DPYD: variants seen among roughly 807,000 people sequenced by gnomAD.
DPYD encodes dihydropyrimidine dehydrogenase.
In DPYD, 109 loss-of-function variants were observed where a neutral mutation model predicts 116.2. The observed-to-expected ratio is 0.94, with a 90% CI of 0.80 to 1.10. The LOEUF (loss-of-function observed/expected upper bound fraction) is 1.10, where lower values mean the gene tolerates loss of function less well. Ranked by LOEUF, DPYD falls within the 50% of genes least tolerant of loss-of-function variation. The pLI is 0.00. For missense variants in DPYD, 1,302 were observed against 1,254.5 expected (o/e 1.04, Z -0.57); for synonymous variants, 440 against 432.0 (o/e 1.02, Z -0.23).
chr1:97,641,538 A>C (rs1250122481), intron 8 of DPYD, among the ~76,000 whole-genome samples: 8 of 152,222 alleles, frequency 5.3e-5, no homozygotes, highest in Admixed American at 5.2e-4. Flanking sequence ...GGCTTTCGAT[A>C]AAATTCAACA....
intron 18 of DPYD, among the ~76,000 whole-genome samples, chr1:97,282,216 A>T (rs1665372092): frequency 6.6e-6 from 1 of 152,150 alleles, no homozygotes; most frequent in African/African-American, 2.4e-5. Flanking sequence ...GTGAGAAGTC[A>T]TAGACCTTGA....
At chr1:97,777,233 C>A (rs1050319450) in intron 3 of DPYD, among the ~76,000 whole-genome samples, 3 of 152,036 alleles carry the variant, frequency 2.0e-5, no homozygotes, top group Admixed American at 2.0e-4. Flanking sequence ...TAATATACTC[C>A]AGGCTTTTAA....
At chr1:97,492,789 A>G (rs1286805838) in intron 13 of DPYD, among the ~76,000 whole-genome samples, 1 of 152,196 alleles carries the variant, frequency 6.6e-6, no homozygotes, top group Admixed American at 6.5e-5. Context: ...TTTGAAATAT[A>G]CAGGCTTTTG....
At chr1:97,404,635 T>C (rs915264924) in intron 14 of DPYD, among the ~76,000 whole-genome samples, 4 of 152,140 alleles carry the variant, frequency 2.6e-5, no homozygotes, top group African/African-American at 7.2e-5. Flanking sequence ...AGTGTTAGCA[T>C]GATACATTTT....
intron 13 of DPYD, among the ~76,000 whole-genome samples, chr1:97,466,543 A>C (rs2101838220): frequency 6.6e-6 from 1 of 152,336 alleles, no homozygotes; most frequent in South Asian, 2.1e-4. Context: ...TCCAAATGAT[A>C]GCTGATATTT....
intron 3 of DPYD, among the ~76,000 whole-genome samples, chr1:97,747,068 T>G (rs1664599479): frequency 6.6e-6 from 1 of 151,966 alleles, no homozygotes; most frequent in African/African-American, 2.4e-5. Context: ...TGTTAGAAAT[T>G]TATTTATGGA....
chr1:97,203,751 A>C (rs1188958956), intron 19 of DPYD, among the ~76,000 whole-genome samples: 1 of 127,592 alleles, frequency 7.8e-6, no homozygotes, highest in Non-Finnish European at 1.6e-5. Flanking sequence ...AGATGGATGA[A>C]AGTTATGTGG....
Position 97,658,895 on chromosome 1 carries a change from T to C in DPYD, c.850+20200A>G, listed in dbSNP as rs192129663. Reference sequence around the variant, plus strand: ...ATCCAGAAACACTAGAGGTTTATAATGCTAGTTCACTGAACACCTGGCTCT... The same window carrying C: ...ATCCAGAAACACTAGAGGTTTATAACGCTAGTTCACTGAACACCTGGCTCT... On this transcript the variant is annotated intron_variant, in intron 8 of 22. Coordinates refer to ENST00000370192, the MANE Select transcript of DPYD (RefSeq NM_000110.4). 3.3e-5 allele frequency among the ~76,000 whole-genome samples: 5 copies of C among 152,310 alleles called. No individual in the cohort carries two copies. The South Asian group carries it at 8.3e-4, about 25-fold the overall frequency.
Position 97,328,342 on chromosome 1 carries a change from C to T in DPYD, c.2059-22045G>A, listed in dbSNP as rs114099134. Among the ~76,000 whole-genome samples, 1,089 of 152,108 alleles carry T rather than the reference C, an allele frequency of 7.2e-3. 5 individuals carry two copies. The highest frequency in any genetic ancestry group is 0.022 in the East Asian group (113 of 5,168). On this transcript the variant is annotated intron_variant, in intron 16 of 22. Transcript: ENST00000370192. ...TAAATAATTAAGAAAGAGACAATAG[C>T]CTATATAATACATATAAATCATGGC...
intron 18 of DPYD, among the ~76,000 whole-genome samples, chr1:97,297,965 TAA>T (rs1434677310): frequency 6.6e-6 from 1 of 152,162 alleles, no homozygotes; most frequent in African/African-American, 2.4e-5. Flanking sequence ...CATTTAATCT[TAA>T]AAGAGTGAAT....
chr1:97,702,504 T>C (rs953534856), intron 5 of DPYD, among the ~76,000 whole-genome samples: 1 of 151,890 alleles, frequency 6.6e-6, no homozygotes, highest in Non-Finnish European at 1.5e-5. Flanking sequence ...ACAAATAACA[T>C]TGTGTTTTAA....
chr1:97,412,189 G>T (rs1190811067), intron 14 of DPYD, among the ~76,000 whole-genome samples: 1 of 152,134 alleles, frequency 6.6e-6, no homozygotes, highest in East Asian at 1.9e-4. Flanking sequence ...CAATGCATTT[G>T]CAGTTGTAGT....
intron 16 of DPYD, among the ~76,000 whole-genome samples, chr1:97,316,984 C>A (rs761805544): frequency 2.0e-5 from 3 of 151,732 alleles, no homozygotes; most frequent in Non-Finnish European, 4.4e-5. Context: ...ATAGGCCTAT[C>A]TTCACAGGCA....
intron 10 of DPYD, among the ~76,000 whole-genome samples, chr1:97,586,474 AT>A (rs1237482265): frequency 3.6e-5 from 1 of 27,584 alleles, no homozygotes; most frequent in African/African-American, 1.8e-4. Flanking sequence ...ACATATATAT[AT>A]ATATATATAT....
chr1:97,771,870 T>C (rs1666161243), intron 3 of DPYD, among the ~76,000 whole-genome samples: 1 of 152,280 alleles, frequency 6.6e-6, no homozygotes, highest in East Asian at 1.9e-4. Context: ...AAAGCACCTT[T>C]TGTTTTATCT....
At chr1:97,095,080 A>G (rs948129102) in intron 21 of DPYD, among the ~76,000 whole-genome samples, 1 of 152,206 alleles carries the variant, frequency 6.6e-6, no homozygotes, top group Non-Finnish European at 1.5e-5. Flanking sequence ...TTTGGTATTA[A>G]TTAAATAAGG....
chr1:97,704,365 TTAAAA>T (rs1008706597), intron 5 of DPYD, among the ~76,000 whole-genome samples: 62 of 151,910 alleles, frequency 4.1e-4, no homozygotes, highest in Admixed American at 7.9e-4. Flanking sequence ...AAAATGTAAA[TTAAAA>T]TAACTAATAT....
intron 3 of DPYD, among the ~76,000 whole-genome samples, chr1:97,812,131 A>T (rs1668376172): frequency 6.6e-6 from 1 of 152,128 alleles, no homozygotes; most frequent in Non-Finnish European, 1.5e-5. Context: ...CATGCTGATG[A>T]CTTAAAACAT....
chr1:97,915,000 T>C (rs1571578799), intron 1 of DPYD, among the ~76,000 whole-genome samples: 1 of 152,284 alleles, frequency 6.6e-6, no homozygotes, highest in Middle Eastern at 3.4e-3. Flanking sequence ...TTATATAATG[T>C]ACATGATAGA....
Sources: gnomAD v4.1 joint callset for allele counts (sites outside exome capture counted in the v4.1 genomes callset) on GRCh38, gnomAD v4.1.1 for gene constraint, MANE v1.5 for transcripts, NCBI Gene and HGNC (gene_info 2026-07-23, HGNC 2026-07-21) for gene names.